MTMR9: variants seen among roughly 807,000 people sequenced by gnomAD.
The protein encoded by MTMR9 is myotubularin related protein 9.
In MTMR9, 39 loss-of-function variants were observed where a neutral mutation model predicts 69.5. The ratio of observed to expected loss-of-function variants is 0.56; its 90% CI spans 0.43 to 0.73. The LOEUF is 0.73. MTMR9 is among the 30% of genes least tolerant of loss of function. The pLI is 0.00. For synonymous variants in MTMR9, 354 were observed against 240.8 expected, an observed-to-expected ratio of 1.47 and a Z score of -4.35; for missense variants, 900 against 671.2, an observed-to-expected ratio of 1.34 and a Z score of -3.77.
In MTMR9 at chr8:11,306,443, G is replaced by C. The variant is rs779316960; in HGVS notation, c.809+36G>C. On this transcript the variant is annotated intron_variant, in intron 5 of 9. Transcript: ENST00000221086. ...CCAAAGATAGTACAGACTCTTATTA[G>C]AAGCTAATTATAGTGGGTAAGGCCT... 3 of 1,586,282 alleles carry C rather than the reference G, an allele frequency of 1.9e-6. No homozygotes were observed. In the South Asian group the frequency reaches 3.3e-5, roughly 18 times the overall value.
intron 5 of MTMR9, among the ~76,000 whole-genome samples, chr8:11,308,053 C>A (rs1800032196): frequency 6.6e-6 from 1 of 152,198 alleles, no homozygotes; most frequent in South Asian, 2.1e-4. Context: ...TGTTCAGTCT[C>A]ATTTGTCTAT....
At chr8:11,335,922 A>G in the MTMR9 span, among the ~76,000 whole-genome samples, 1 of 152,220 alleles carries the variant, frequency 6.6e-6, no homozygotes, top group Non-Finnish European at 1.5e-5. Context: ...TCTGGGAGTT[A>G]GGACTTCAAC....
intron 3 of MTMR9, among the ~76,000 whole-genome samples, chr8:11,302,994 C>T (rs1409475341): frequency 1.3e-5 from 2 of 151,552 alleles, no homozygotes; most frequent in Non-Finnish European, 2.9e-5. Context: ...AGACAATATA[C>T]TCATGGATAG....
the MTMR9 span, among the ~76,000 whole-genome samples, chr8:11,338,455 A>G: frequency 1.3e-5 from 2 of 152,190 alleles, no homozygotes; most frequent in African/African-American, 2.4e-5. Flanking sequence ...CATAGTGTCA[A>G]TGGTGAGGAT....
At chr8:11,285,724 A>G (rs909809975) in intron 1 of MTMR9, among the ~76,000 whole-genome samples, 1 of 152,100 alleles carries the variant, frequency 6.6e-6, no homozygotes, top group African/African-American at 2.4e-5. Context: ...TTATCTTTCC[A>G]AGGCAGTGCC....
chr8:11,285,388 T>G, intron 1 of MTMR9: 7 of 237,882 alleles, frequency 2.9e-5, no homozygotes, highest in East Asian at 9.0e-5. Flanking sequence ...CCCCATCGTA[T>G]TCCTTGAATT....
chr8:11,298,892 G>C (rs1799654229), intron 2 of MTMR9: 3 of 984,726 alleles, frequency 3.0e-6, no homozygotes, highest in African/African-American at 1.7e-5. Context: ...AGGCCCATTT[G>C]GGGCTGATAG....
At chr8:11,296,750 A>G (rs1009824746) in intron 2 of MTMR9, among the ~76,000 whole-genome samples, 1 of 152,170 alleles carries the variant, frequency 6.6e-6, no homozygotes, top group African/African-American at 2.4e-5. Context: ...TTATGGATGC[A>G]TGTGGTGAGA....
intron 6 of MTMR9, among the ~76,000 whole-genome samples, chr8:11,314,531 GT>G (rs1418839360): frequency 6.6e-6 from 1 of 152,180 alleles, no homozygotes; most frequent in Non-Finnish European, 1.5e-5. Context: ...TATGTCTATA[GT>G]TTTGATGAGA....
chr8:11,303,201 CTT>C (rs772626761), intron 3 of MTMR9, among the ~76,000 whole-genome samples: 2 of 148,208 alleles, frequency 1.3e-5, no homozygotes, highest in African/African-American at 2.5e-5. Flanking sequence ...AGATACCAAA[CTT>C]ATTTTAAAAG....
chr8:11,339,435 A>G, the MTMR9 span, among the ~76,000 whole-genome samples: 1 of 152,212 alleles, frequency 6.6e-6, no homozygotes, highest in African/African-American at 2.4e-5. Context: ...TCATTTGGCT[A>G]TTCTATAGAA....
the MTMR9 span, among the ~76,000 whole-genome samples, chr8:11,334,155 CTT>C: frequency 6.6e-6 from 1 of 152,162 alleles, no homozygotes; most frequent in Non-Finnish European, 1.5e-5. Flanking sequence ...GCCAGATAAA[CTT>C]GTATATAAAT....
intron 6 of MTMR9, among the ~76,000 whole-genome samples, chr8:11,314,007 A>C (rs1193746014): frequency 6.6e-6 from 1 of 152,226 alleles, no homozygotes; most frequent in Admixed American, 6.5e-5. Flanking sequence ...TGAACGAGCT[A>C]TGCCTGCAAC....
rs765590777 is a variant in MTMR9, at chr8:11,309,529, A to G, written c.812A>G (p.Tyr271Cys). 1.9e-6 allele frequency: 3 copies of G among 1,606,294 alleles called. No homozygotes were observed. Among genetic ancestry groups the G allele is most frequent in the African/African-American group, 1.3e-5 (1 of 74,566 alleles). ...TTTTACTTTCTTACTTTTAAAAGGT[A>G]TCACATTCTTCAGGAGAGCTTAATC... Reference protein sequence around the residue: ...WRRIHKSIERYHILQESLIKL... With the variant: ...WRRIHKSIERCHILQESLIKL... Residue 271 changes from tyrosine to cysteine, a missense_variant and splice_region_variant, in exon 6 of 10, where the codon TAT becomes TGT. Transcript: ENST00000221086.
chr8:11,337,781 T>C, the MTMR9 span, among the ~76,000 whole-genome samples: 40 of 152,354 alleles, frequency 2.6e-4, no homozygotes, highest in African/African-American at 7.7e-4. Context: ...ACTGAATTCA[T>C]GTGCTCCGGT....
At chr8:11,285,375 T>C in intron 1 of MTMR9, 2 of 272,172 alleles carry the variant, frequency 7.3e-6, no homozygotes, top group South Asian at 8.5e-5. Flanking sequence ...CTTCTTCTTC[T>C]TGCCCCATCG....
chr8:11,319,930 G>A, intron 9 of MTMR9, 92 bp downstream of exon 9: 1 of 1,354,362 alleles, frequency 7.4e-7, no homozygotes, highest in Non-Finnish European at 1.0e-6. Flanking sequence ...TGAAGATGGT[G>A]AGCTGGACGT....
chr8:11,296,551 C>T lies in MTMR9; in HGVS notation c.291+1249C>T, dbSNP rs117423654. 4.3e-4 allele frequency among the ~76,000 whole-genome samples: 66 copies of T among 152,324 alleles called. No homozygotes were observed. The East Asian group carries it at 0.012, about 28-fold the overall frequency. On this transcript the variant is annotated intron_variant, in intron 2 of 9. Coordinates refer to ENST00000221086, the MANE Select transcript of MTMR9 (RefSeq NM_015458.4). ...ACAACACCCCATTTTCCCCTCTCTC[C>T]AGCTCCTGAGAACCCCCATTCTACT...
chr8:11,331,947 C>G (rs772107882), downstream of MTMR9: 4 of 1,612,012 alleles, frequency 2.5e-6, no homozygotes, highest in South Asian at 1.1e-5. Flanking sequence ...CCACCCTGCC[C>G]TGGTGTGCGC....
Sources: allele counts gnomAD v4.1 joint callset (sites outside exome capture counted in the v4.1 genomes callset), GRCh38; gene constraint gnomAD v4.1.1; transcripts MANE v1.5; gene names NCBI Gene and HGNC (gene_info 2026-07-23, HGNC 2026-07-21).